Variants in DPP10 observed in about 807,000 individuals in gnomAD.
DPP10 encodes the protein dipeptidyl peptidase like 10, also known as inactive dipeptidyl peptidase 10.
Under a neutral mutation model 120.9 loss-of-function variants are expected in DPP10, and 33 were observed. The ratio of observed to expected loss-of-function variants is 0.27; its 90% CI spans 0.21 to 0.37. DPP10 has a LOEUF of 0.37. Among genes scored for constraint, DPP10 ranks in the 10% least tolerant of loss-of-function variants. The pLI, the probability that DPP10 is intolerant of heterozygous loss-of-function variation, is 1.00. For synonymous variants in DPP10, 337 were observed against 326.1 expected (o/e 1.03, Z -0.36); for missense variants, 816 against 942.8 (o/e 0.87, Z 1.76).
At chr2:115,574,319 T>G (rs763132685) in intron 5 of DPP10, among the ~76,000 whole-genome samples, 6 of 152,214 alleles carry the variant, frequency 3.9e-5, no homozygotes, top group African/African-American at 7.2e-5. Context: ...CATTTAATTC[T>G]GAGTAATTAA....
intron 1 of DPP10, among the ~76,000 whole-genome samples, chr2:114,789,948 T>C (rs1020185677): frequency 6.6e-6 from 1 of 152,246 alleles, no homozygotes; most frequent in African/African-American, 2.4e-5. Context: ...GTGCTTACAA[T>C]GATGTTTAGC....
chr2:115,318,149 T>A (rs991060481), intron 2 of DPP10, among the ~76,000 whole-genome samples: 1 of 152,108 alleles, frequency 6.6e-6, no homozygotes, highest in Non-Finnish European at 1.5e-5. Context: ...CTAGCTTTAA[T>A]TTTTGCATGT....
At chr2:115,200,388 A>AT (rs548693786) in intron 1 of DPP10, among the ~76,000 whole-genome samples, 18 of 151,506 alleles carry the variant, frequency 1.2e-4, no homozygotes, top group South Asian at 4.2e-4. Flanking sequence ...CATTCAGCTA[A>AT]TTTTTTTTTC....
intron 1 of DPP10, among the ~76,000 whole-genome samples, chr2:114,869,891 A>G (rs1690550258): frequency 6.6e-6 from 1 of 152,160 alleles, no homozygotes; most frequent in Non-Finnish European, 1.5e-5. Flanking sequence ...TACTGGCTGT[A>G]TGGACTTGGG....
chr2:114,954,673 T>C (rs1698072165), intron 1 of DPP10, among the ~76,000 whole-genome samples: 1 of 152,040 alleles, frequency 6.6e-6, no homozygotes, highest in South Asian at 2.1e-4. Context: ...ACTAAGTGTT[T>C]GTTGTCTGAA....
chr2:115,555,101 T>C (rs1308745943), intron 5 of DPP10, among the ~76,000 whole-genome samples: 2 of 152,172 alleles, frequency 1.3e-5, no homozygotes, highest in Admixed American at 1.3e-4. Flanking sequence ...ACTTTTCTTC[T>C]CTTACTTTGG....
intron 3 of DPP10, among the ~76,000 whole-genome samples, chr2:115,367,345 T>C (rs982840494): frequency 6.6e-6 from 1 of 152,000 alleles, no homozygotes; most frequent in African/African-American, 2.4e-5. Context: ...AGAAAATATA[T>C]AGGTCACGGA....
chr2:115,424,117 A>G (rs2070238202), intron 3 of DPP10, among the ~76,000 whole-genome samples: 1 of 152,160 alleles, frequency 6.6e-6, no homozygotes, highest in South Asian at 2.1e-4. Context: ...TCAAGTAATA[A>G]GACATTATGA....
intron 1 of DPP10, among the ~76,000 whole-genome samples, chr2:115,007,375 C>T (rs537883879): frequency 6.4e-4 from 98 of 152,260 alleles, no homozygotes; most frequent in African/African-American, 2.3e-3. Flanking sequence ...AATTCAACAA[C>T]CTTTCATGCT....
chr2:115,370,575 C>T (rs1391124499), intron 3 of DPP10, among the ~76,000 whole-genome samples: 1 of 152,032 alleles, frequency 6.6e-6, no homozygotes, highest in Non-Finnish European at 1.5e-5. Context: ...TCCTGGATTA[C>T]ATGATGGTTA....
intron 4 of DPP10, among the ~76,000 whole-genome samples, chr2:115,518,513 C>G: frequency 6.6e-6 from 1 of 152,036 alleles, no homozygotes; most frequent in East Asian, 1.9e-4. Context: ...AGTTTTTTTA[C>G]TTAATATTGG....
chr2:115,296,387 A>C (rs1433724711), intron 1 of DPP10, among the ~76,000 whole-genome samples: 1 of 151,864 alleles, frequency 6.6e-6, no homozygotes, highest in African/African-American at 2.4e-5. Context: ...GCTTTTTACT[A>C]TTTTCTTAAC....
rs541690898 is a variant in DPP10, at chr2:114,696,235, A to G, written c.60+253397A>G. 8.5e-5 allele frequency among the ~76,000 whole-genome samples: 13 copies of G among 152,190 alleles called. No individual in the cohort carries two copies. The South Asian group carries it at 1.2e-3, about 15-fold the overall frequency. On this transcript the variant is annotated intron_variant, in intron 1 of 25. Coordinates refer to ENST00000410059, the MANE Select transcript of DPP10 (RefSeq NM_020868.6). ...CTCCTGATTCTCTGCCAAGTTCATTATCTCTTCTGTCCCTAAATTTGTCCA... is the reference window on the plus strand; with the variant it reads ...CTCCTGATTCTCTGCCAAGTTCATTGTCTCTTCTGTCCCTAAATTTGTCCA...
At chr2:115,699,022 G>GAAAAA (rs758818861) in intron 7 of DPP10, among the ~76,000 whole-genome samples, 708 of 38,964 alleles carry the variant, frequency 0.018, 47 homozygotes, top group African/African-American at 0.036. Context: ...TAGCTTGACT[G>GAAAAA]AAAAAAAAAA....
chr2:114,492,232 C>T (rs1476002947), intron 1 of DPP10, among the ~76,000 whole-genome samples: 1 of 152,080 alleles, frequency 6.6e-6, no homozygotes, highest in Non-Finnish European at 1.5e-5. Context: ...GCTATCACAT[C>T]AGAAACTCTT....
At chr2:115,136,135 C>A in intron 1 of DPP10, among the ~76,000 whole-genome samples, 1 of 149,338 alleles carries the variant, frequency 6.7e-6, no homozygotes, top group South Asian at 2.1e-4. Context: ...ACACTTAGGG[C>A]ACAAAACAGC....
At position 115,590,266 on chromosome 2, in the gene DPP10, T is replaced by C. The variant is rs544106187; in HGVS notation, c.441+64294T>C. Among the ~76,000 whole-genome samples the C allele has an allele frequency of 7.9e-5, 12 of 151,818 alleles. No individual in the cohort carries two copies. The South Asian group carries it at 1.7e-3, about 21-fold the overall frequency. On this transcript the variant is annotated intron_variant, in intron 5 of 25. Transcript: ENST00000410059. ...ATGTGCCATGTTGGTGTGCCGCACCTGTTACCTCGTCATTTACATTAGGTA... is the reference window on the plus strand; with the variant it reads ...ATGTGCCATGTTGGTGTGCCGCACCCGTTACCTCGTCATTTACATTAGGTA...
chr2:115,579,414 G>A (rs2081884910), intron 5 of DPP10: 1 of 152,170 alleles, frequency 6.6e-6, no homozygotes, highest in South Asian at 2.1e-4. Flanking sequence ...TACAAAATAA[G>A]TGTGAAAAAC....
intron 1 of DPP10, among the ~76,000 whole-genome samples, chr2:115,096,018 T>C (rs1429195227): frequency 6.6e-6 from 1 of 152,152 alleles, no homozygotes; most frequent in Non-Finnish European, 1.5e-5. Context: ...ATCTTTACAA[T>C]GCCAAGAAGT....
Sources: gnomAD v4.1 joint callset for allele counts (sites outside exome capture counted in the v4.1 genomes callset) on GRCh38, gnomAD v4.1.1 for gene constraint, MANE v1.5 for transcripts, NCBI Gene and HGNC (gene_info 2026-07-23, HGNC 2026-07-21) for gene names.